EIF4G3: variants seen among roughly 807,000 people sequenced by gnomAD.
EIF4G3 encodes eIF-4-gamma 3.
Under a neutral mutation model 186.4 loss-of-function variants are expected in EIF4G3, and 34 were observed. That is an observed-to-expected ratio of 0.18 (90% CI 0.14 to 0.24). The LOEUF (loss-of-function observed/expected upper bound fraction) is 0.24. Ranked by LOEUF, EIF4G3 falls within the 10% of genes least tolerant of loss-of-function variation. The pLI is 1.00. For missense variants in EIF4G3, 1,536 were observed against 1,948.5 expected (o/e 0.79, Z 3.99); for synonymous variants, 673 against 679.5 (o/e 0.99, Z 0.15).
At chr1:20,974,875 G>GT (rs778137484) in intron 10 of EIF4G3, among the ~76,000 whole-genome samples, 15 of 152,092 alleles carry the variant, frequency 9.9e-5, no homozygotes, top group Non-Finnish European at 2.1e-4. Flanking sequence ...TTGATTCACC[G>GT]TAACAAGAAG....
At position 20,854,959 on chromosome 1, in the gene EIF4G3, A is replaced by G. The variant is rs1459202865; in HGVS notation, c.3433+19T>C. The G allele has an allele frequency of 4.4e-6, 7 of 1,604,252 alleles. No homozygotes were observed. Among genetic ancestry groups the G allele is most frequent in the Admixed American group, 3.4e-5 (2 of 59,528 alleles). On this transcript the variant is annotated intron_variant, in intron 26 of 36. Coordinates refer to ENST00000602326, the MANE Select transcript of EIF4G3 (RefSeq NM_001391906.1). Reference sequence around the variant, plus strand: ...CTAACAAGCCACAGCCAGGTTTGAGAAGGGACACACACACTTACCAGTCTC... The same window carrying G: ...CTAACAAGCCACAGCCAGGTTTGAGGAGGGACACACACACTTACCAGTCTC...
chr1:21,117,762 T>C (rs76064632), intron 2 of EIF4G3, among the ~76,000 whole-genome samples: 2 of 80,490 alleles, frequency 2.5e-5, no homozygotes, highest in East Asian at 4.2e-4. Flanking sequence ...AAAAAAAAAA[T>C]TAAAAGCAGA....
chr1:20,826,211 G>A (rs1163610207), intron 32 of EIF4G3, among the ~76,000 whole-genome samples: 1 of 152,196 alleles, frequency 6.6e-6, no homozygotes. Context: ...CTGTAGCTCA[G>A]GTTGAAATGC....
intron 12 of EIF4G3, among the ~76,000 whole-genome samples, chr1:20,965,471 G>A (rs1221450949): frequency 3.9e-5 from 6 of 151,990 alleles, no homozygotes; most frequent in Non-Finnish European, 8.8e-5. Context: ...CAATTTAGAT[G>A]GTAAATTATA....
intron 32 of EIF4G3, 152 bp from the exon 33 acceptor site, chr1:20,825,350 C>T (rs1376910648): frequency 3.4e-6 from 2 of 581,238 alleles, no homozygotes; most frequent in Non-Finnish European, 5.9e-6. Context: ...GTGGTGCACA[C>T]CTGTATAGTC....
intron 16 of EIF4G3, among the ~76,000 whole-genome samples, chr1:20,898,673 T>C (rs1264948379): frequency 6.6e-6 from 1 of 152,322 alleles, no homozygotes; most frequent in African/African-American, 2.4e-5. Flanking sequence ...CCCCACCTCC[T>C]GCAAAACTTA....
chr1:20,917,017 T>C (rs1387971144), intron 14 of EIF4G3, among the ~76,000 whole-genome samples: 3 of 152,246 alleles, frequency 2.0e-5, no homozygotes, highest in African/African-American at 7.2e-5. Context: ...TGACAGCTTA[T>C]GTCCATACAA....
At chr1:20,953,234 A>G (rs1471611490) in intron 12 of EIF4G3, among the ~76,000 whole-genome samples, 2 of 152,196 alleles carry the variant, frequency 1.3e-5, no homozygotes, top group Non-Finnish European at 2.9e-5. Context: ...GTCTTCGCAC[A>G]CTGTTGCAAC....
chr1:21,105,563 A>G (rs1171640767), intron 2 of EIF4G3, among the ~76,000 whole-genome samples: 1 of 152,186 alleles, frequency 6.6e-6, no homozygotes, highest in Non-Finnish European at 1.5e-5. Flanking sequence ...ATACATAAAA[A>G]ATAAAATAGT....
intron 2 of EIF4G3, among the ~76,000 whole-genome samples, chr1:21,141,935 C>CA (rs113622962): frequency 0.01 from 1,340 of 133,406 alleles, 13 homozygotes; most frequent in African/African-American, 0.03. Context: ...ACCCTGTCTC[C>CA]AAAAAAAAAA....
intron 2 of EIF4G3, among the ~76,000 whole-genome samples, chr1:21,101,567 A>AG (rs1162119531): frequency 4.2e-5 from 6 of 142,082 alleles, no homozygotes; most frequent in Non-Finnish European, 7.6e-5. Flanking sequence ...CTCAGGAAAA[A>AG]AAAAAAAACA....
chr1:21,056,154 TAA>T (rs1039715221), intron 3 of EIF4G3, among the ~76,000 whole-genome samples: 1 of 152,200 alleles, frequency 6.6e-6, no homozygotes, highest in Non-Finnish European at 1.5e-5. Flanking sequence ...TTTGCAACTC[TAA>T]ATAGTTCTGC....
At chr1:20,952,095 A>G (rs1010120736) in intron 12 of EIF4G3, among the ~76,000 whole-genome samples, 1 of 152,024 alleles carries the variant, frequency 6.6e-6, no homozygotes, top group Non-Finnish European at 1.5e-5. Flanking sequence ...CAACTTTATC[A>G]TTTTATAAGC....
intron 2 of EIF4G3, among the ~76,000 whole-genome samples, chr1:21,158,602 G>C (rs2097703101): frequency 6.6e-6 from 1 of 152,062 alleles, no homozygotes; most frequent in Non-Finnish European, 1.5e-5. Context: ...TGGTACACAA[G>C]ATTTAACACC....
chr1:21,029,097 A>C lies in EIF4G3; in HGVS notation c.-67+21769T>G, dbSNP rs150832497. The stretch of plus-strand genomic sequence containing the variant: ...CAGTGGCGTGATCCCGGCTCACTGC[A>C]ACCTCCACCCCCTAGGTCCAAGCGA... On this transcript the variant is annotated intron_variant, in intron 4 of 36. Transcript: ENST00000602326. Among the ~76,000 whole-genome samples, 151 of 152,032 alleles carry C rather than the reference A, an allele frequency of 9.9e-4. 1 individual carries two copies. Among genetic ancestry groups the C allele is most frequent in the African/African-American group, 3.5e-3 (145 of 41,474 alleles).
chr1:21,011,528 C>T (rs1424306966), intron 4 of EIF4G3, among the ~76,000 whole-genome samples: 1 of 152,166 alleles, frequency 6.6e-6, no homozygotes, highest in Non-Finnish European at 1.5e-5. Flanking sequence ...GATGCATGCA[C>T]ATCTGTGTGT....
intron 2 of EIF4G3, among the ~76,000 whole-genome samples, chr1:21,095,553 T>TCAG (rs1331814398): frequency 1.3e-5 from 2 of 152,048 alleles, no homozygotes; most frequent in Non-Finnish European, 2.9e-5. Flanking sequence ...GCTCAAGCAA[T>TCAG]CCTCTTGCCT....
chr1:20,898,621 T>C (rs771961631), intron 16 of EIF4G3, among the ~76,000 whole-genome samples: 2 of 152,212 alleles, frequency 1.3e-5, no homozygotes, highest in Admixed American at 6.5e-5. Flanking sequence ...TTGAAAAATA[T>C]TGATCTAGAT....
intron 2 of EIF4G3, among the ~76,000 whole-genome samples, chr1:21,090,637 A>T (rs2096161961): frequency 6.6e-6 from 1 of 152,230 alleles, no homozygotes; most frequent in African/African-American, 2.4e-5. Flanking sequence ...AGAAAAGAAG[A>T]AGTGAAAATA....
Sources: allele counts gnomAD v4.1 joint callset (sites outside exome capture counted in the v4.1 genomes callset), GRCh38; gene constraint gnomAD v4.1.1; transcripts MANE v1.5; gene names NCBI Gene and HGNC (gene_info 2026-07-23, HGNC 2026-07-21).